CD300LD: variants seen among roughly 807,000 people sequenced by gnomAD.
CD300LD encodes the protein CD300 molecule like family member d, also known as CMRF35-like molecule 5.
A neutral mutation model predicts 20.3 loss-of-function variants in CD300LD; 18 were observed. That is an observed-to-expected ratio of 0.89 (90% CI 0.61 to 1.32). CD300LD has a LOEUF of 1.32. CD300LD is among the 40% of genes most tolerant of loss of function. The probability of loss-of-function intolerance (pLI) is 0.00; values close to 1 mark genes in which losing one functional copy is unlikely to be tolerated. For synonymous variants in CD300LD, 104 were observed against 90.1 expected (o/e 1.15, Z -0.87); for missense variants, 195 against 226.6 (o/e 0.86, Z 0.90).
At chr17:74,586,350 C>T (rs75700992) in intron 2 of CD300LD, among the ~76,000 whole-genome samples, 5,017 of 152,156 alleles carry the variant, frequency 0.033, 100 homozygotes, top group Non-Finnish European at 0.048. Context: ...AAAAATCGGA[C>T]ACTTCAAAAA....
In CD300LD at chr17:74,588,778, GCA is replaced by G. The variant is rs1446396770; in HGVS notation, c.110_111del (p.Val37AlafsTer20). The G allele has an allele frequency of 2.5e-6, 4 of 1,614,184 alleles. No individual in the cohort carries two copies. The highest frequency in any genetic ancestry group is 1.7e-5 in the Admixed American group (1 of 60,016). ...TCCCAGCCTGAGCCATAAGCACACT[GCA>G]CAGTCAATGAGCCCTGCTCCGAGCC... The part of the protein sequence containing the change: ...VNGSEQGSLT[V>X]QCAYGSGWET... On this transcript the variant is annotated frameshift_variant, in exon 2 of 4. Transcript: ENST00000375352. LOFTEE classifies it high-confidence loss of function.
intron 2 of CD300LD, among the ~76,000 whole-genome samples, chr17:74,582,965 C>A (rs900245609): frequency 2.0e-5 from 3 of 152,176 alleles, no homozygotes; most frequent in Non-Finnish European, 2.9e-5. Context: ...GAGATCACAG[C>A]ATCATATTTG....
At chr17:74,582,379 G>C in intron 2 of CD300LD, 68 bp from the exon 3 acceptor site, 3 of 1,344,194 alleles carry the variant, frequency 2.2e-6, no homozygotes, top group Non-Finnish European at 2.1e-6. Flanking sequence ...GTGGCCCTAA[G>C]GCTTCTCCAC....
chr17:74,579,941 C>T lies in CD300LD; in HGVS notation c.*61G>A, dbSNP rs771182204. 3.2e-5 allele frequency: 32 copies of T among 1,014,160 alleles called. No individual in the cohort carries two copies. Among genetic ancestry groups the T allele is most frequent in the Middle Eastern group, 2.1e-4 (1 of 4,850 alleles). The allele number at this position is 1,014,160 out of a possible 1,614,324, so 62.8% of individuals were successfully genotyped here. A position where few individuals can be genotyped will look rare whatever the true frequency, so the allele number is the denominator to read the frequency against. ...TTTTTTCTTCTGTGGGAGGGCCTTT[C>T]GCCCTGGACAGGACGTCAATGGGCA... is the stretch of plus-strand genomic sequence containing the variant. On this transcript the variant is annotated 3_prime_UTR_variant, in exon 4 of 4. Transcript: ENST00000375352.
intron 3 of CD300LD, 93 bp from the exon 4 acceptor site, chr17:74,580,206 C>A: frequency 1.2e-6 from 1 of 843,802 alleles, no homozygotes. Context: ...CTTCCAATGT[C>A]TATGTGAGGG....
chr17:74,583,307 C>T (rs773917129), intron 2 of CD300LD, among the ~76,000 whole-genome samples: 20 of 152,184 alleles, frequency 1.3e-4, no homozygotes, highest in Non-Finnish European at 2.6e-4. Flanking sequence ...GTCCTAATGC[C>T]ATCTGACTGG....
intron 3 of CD300LD, among the ~76,000 whole-genome samples, 162 bp from the exon 4 acceptor site, chr17:74,580,275 C>T (rs1006699184): frequency 3.3e-5 from 5 of 152,210 alleles, no homozygotes; most frequent in Non-Finnish European, 7.3e-5. Flanking sequence ...CACTGCTCAC[C>T]AGCGAGGCTC....
In CD300LD at chr17:74,582,247, G is replaced by T. The variant is rs77765423; in HGVS notation, c.444C>A (p.Ala148=). Reference sequence around the variant, plus strand: ...TGAGGGGGCTGCTGGTCTTCTGGGTGGCTGCAGCTGTGAAAGCCAGGCTTG... The same window carrying T: ...TGAGGGGGCTGCTGGTCTTCTGGGTTGCTGCAGCTGTGAAAGCCAGGCTTG... The part of the protein sequence containing the change: ...TTASLAFTAA[A]TQKTSSPLTR... The change falls in exon 3 of 4, where the codon GCC becomes GCA. Residue 148 remains alanine (A), a synonymous_variant. Coordinates refer to ENST00000375352, the MANE Select transcript of CD300LD (RefSeq NM_001115152.2). 0.015 allele frequency: 24,125 copies of T among 1,613,836 alleles called. 237 individuals are homozygous for T. The highest frequency in any genetic ancestry group is 0.024 in the Middle Eastern group (144 of 6,036).
intron 3 of CD300LD, among the ~76,000 whole-genome samples, chr17:74,581,376 G>A (rs2030032947): frequency 6.6e-6 from 1 of 152,200 alleles, no homozygotes; most frequent in Non-Finnish European, 1.5e-5. Context: ...GCAGGAGCAG[G>A]ACGGTCTGTG....
chr17:74,591,953 T>C (rs2030329936), intron 1 of CD300LD: 1 of 1,404,872 alleles, frequency 7.1e-7, no homozygotes, highest in Non-Finnish European at 9.6e-7. Context: ...AAGCTATACT[T>C]GTTTTGTTTT....
chr17:74,590,536 C>T (rs903215309), intron 1 of CD300LD: 10 of 152,014 alleles, frequency 6.6e-5, no homozygotes, highest in East Asian at 5.8e-4. Context: ...ATGGTGGGAG[C>T]GGAAGACAAT....
Position 74,580,082 on chromosome 17 carries a change from G to A in CD300LD, c.505C>T (p.Leu169=), listed in dbSNP as rs1344878258. ...SPLKSTHFLF[L]FLLELPLLLS... ...AGCAGAGGCAGCTCCAGGAGGAACA[G>A]GAACAGGAAGTGGGTGCTCTTGAGC... The change falls in exon 4 of 4, where the codon CTG becomes TTG. Residue 169 remains leucine (L), a synonymous_variant. Coordinates refer to ENST00000375352, the MANE Select transcript of CD300LD (RefSeq NM_001115152.2). 6 of 1,612,968 alleles carry A rather than the reference G, an allele frequency of 3.7e-6. No homozygotes were observed. Among genetic ancestry groups the A allele is most frequent in the Non-Finnish European group, 5.1e-6 (6 of 1,179,470 alleles).
chr17:74,581,155 A>G (rs894246446), intron 3 of CD300LD, among the ~76,000 whole-genome samples: 3 of 151,840 alleles, frequency 2.0e-5, no homozygotes, highest in African/African-American at 4.8e-5. Context: ...GCACAAAAGC[A>G]TGGAGGAGGA....
chr17:74,581,202 A>G (rs999156306), intron 3 of CD300LD, among the ~76,000 whole-genome samples: 6 of 152,116 alleles, frequency 3.9e-5, no homozygotes, highest in Admixed American at 3.3e-4. Context: ...GAGGAGTCCT[A>G]AAGCCAGCTC....
intron 3 of CD300LD, among the ~76,000 whole-genome samples, chr17:74,580,418 C>G (rs1250340372): frequency 6.6e-6 from 1 of 152,254 alleles, no homozygotes; most frequent in African/African-American, 2.4e-5. Context: ...CATTCCCTGT[C>G]TCTACTTACC....
chr17:74,579,166 T>G (rs1418084610), downstream of CD300LD, among the ~76,000 whole-genome samples: 2 of 152,370 alleles, frequency 1.3e-5, no homozygotes, highest in Non-Finnish European at 2.9e-5. Flanking sequence ...GGAGAGCAGC[T>G]GGCACGGCAG....
At chr17:74,586,603 G>A (rs66718948) in intron 2 of CD300LD, among the ~76,000 whole-genome samples, 5,066 of 152,128 alleles carry the variant, frequency 0.033, 209 homozygotes, top group African/African-American at 0.093. Flanking sequence ...ATAGGTTCCC[G>A]GAGGCACATT....
downstream of CD300LD, among the ~76,000 whole-genome samples, chr17:74,578,756 G>C (rs1280941296): frequency 6.6e-6 from 1 of 152,150 alleles, no homozygotes; most frequent in Admixed American, 6.5e-5. Flanking sequence ...GGGTGATCCT[G>C]GTTCATGTTC....
intron 2 of CD300LD, among the ~76,000 whole-genome samples, chr17:74,584,418 G>T (rs528281206): frequency 1.2e-4 from 19 of 152,276 alleles, no homozygotes; most frequent in African/African-American, 4.3e-4. Flanking sequence ...AGCACTGGAG[G>T]CTATATGAGC....
Sources: gnomAD v4.1 joint callset for allele counts (sites outside exome capture counted in the v4.1 genomes callset) on GRCh38, gnomAD v4.1.1 for gene constraint, MANE v1.5 for transcripts, NCBI Gene and HGNC (gene_info 2026-07-23, HGNC 2026-07-21) for gene names.